The following SGTB variants were observed in gnomAD, a reference collection of about 807,000 sequenced individuals.
SGTB encodes small glutamine rich tetratricopeptide repeat co-chaperone beta.
A neutral mutation model predicts 43.9 loss-of-function variants in SGTB; 19 were observed. The observed-to-expected ratio is 0.43, with a 90% CI of 0.30 to 0.63. The LOEUF is 0.63. SGTB is among the 30% of genes least tolerant of loss of function. The probability of loss-of-function intolerance (pLI) is 0.12; values close to 1 mark genes in which losing one functional copy is unlikely to be tolerated. For missense variants in SGTB, 304 were observed against 358.9 expected, an observed-to-expected ratio of 0.85 and a Z score of 1.24; for synonymous variants, 116 against 117.3, an observed-to-expected ratio of 0.99 and a Z score of 0.07.
At chr5:65,711,085 A>G (rs1385354843) in intron 3 of SGTB, among the ~76,000 whole-genome samples, 1 of 152,050 alleles carries the variant, frequency 6.6e-6, no homozygotes, top group Admixed American at 6.6e-5. Flanking sequence ...GAATCGCTTG[A>G]ACCCAGGAGG....
chr5:65,696,519 G>A (rs1757717844), intron 5 of SGTB, among the ~76,000 whole-genome samples: 1 of 152,162 alleles, frequency 6.6e-6, no homozygotes, highest in Admixed American at 6.6e-5. Flanking sequence ...GGTTGCTTCA[G>A]TATCTTTTAT....
intron 5 of SGTB, among the ~76,000 whole-genome samples, chr5:65,702,621 A>G (rs1487334233): frequency 6.6e-6 from 1 of 152,154 alleles, no homozygotes; most frequent in Non-Finnish European, 1.5e-5. Flanking sequence ...GGGACAGGGG[A>G]GCTCTCCAGA....
At chr5:65,681,545 C>A (rs1757397234) in intron 6 of SGTB, among the ~76,000 whole-genome samples, 2 of 151,972 alleles carry the variant, frequency 1.3e-5, no homozygotes, top group South Asian at 4.2e-4. Flanking sequence ...TTTATCGGAA[C>A]CTAATTCATT....
At chr5:65,715,344 T>C (rs1356379820) in intron 2 of SGTB, among the ~76,000 whole-genome samples, 1 of 152,242 alleles carries the variant, frequency 6.6e-6, no homozygotes, top group Non-Finnish European at 1.5e-5. Context: ...TAGAGAAAGA[T>C]GAGTGAAGAA....
At chr5:65,697,915 T>C (rs982834354) in intron 5 of SGTB, among the ~76,000 whole-genome samples, 4 of 152,226 alleles carry the variant, frequency 2.6e-5, no homozygotes, top group African/African-American at 9.6e-5. Flanking sequence ...TGCCACAACA[T>C]GGTTGAATCT....
intron 5 of SGTB, among the ~76,000 whole-genome samples, chr5:65,693,242 G>GAC (rs1757647818): frequency 6.9e-6 from 1 of 145,504 alleles, no homozygotes; most frequent in Non-Finnish European, 1.5e-5. Context: ...GAGAGAAAGA[G>GAC]AGAGAGGAAG....
chr5:65,712,816 C>A, intron 3 of SGTB, 145 bp downstream of exon 3: 1 of 477,874 alleles, frequency 2.1e-6, no homozygotes, highest in Non-Finnish European at 3.6e-6. Context: ...TTTAGATACC[C>A]AATTATATCC....
intron 6 of SGTB, among the ~76,000 whole-genome samples, chr5:65,684,197 A>C (rs1218449595): frequency 6.6e-6 from 1 of 151,432 alleles, no homozygotes; most frequent in African/African-American, 2.4e-5. Flanking sequence ...CAATCTTCTC[A>C]CCTCAGCCTC....
chr5:65,688,651 T>C (rs1437961437), intron 5 of SGTB, among the ~76,000 whole-genome samples: 1 of 152,208 alleles, frequency 6.6e-6, no homozygotes, highest in African/African-American at 2.4e-5. Context: ...TAAAATACAA[T>C]CAGAAAATGA....
chr5:65,678,939 T>C (rs1241690537), intron 8 of SGTB, among the ~76,000 whole-genome samples: 1 of 152,094 alleles, frequency 6.6e-6, no homozygotes, highest in Non-Finnish European at 1.5e-5. Context: ...CAGGCAAAGA[T>C]TTCATGATGA....
At chr5:65,718,182 G>A (rs747237515) in intron 2 of SGTB, among the ~76,000 whole-genome samples, 39 of 152,088 alleles carry the variant, frequency 2.6e-4, no homozygotes, top group African/African-American at 7.0e-4. Flanking sequence ...CTCAATCTCC[G>A]CATACTGACA....
intron 2 of SGTB, among the ~76,000 whole-genome samples, chr5:65,718,377 C>T (rs1758190798): frequency 6.6e-6 from 1 of 152,146 alleles, no homozygotes; most frequent in Non-Finnish European, 1.5e-5. Context: ...AGAATATGAT[C>T]AAGTGTTTGA....
intron 1 of SGTB, among the ~76,000 whole-genome samples, chr5:65,721,552 A>C (rs1221249687): frequency 6.6e-6 from 1 of 151,862 alleles, no homozygotes; most frequent in Non-Finnish European, 1.5e-5. Context: ...TTTCCACCAA[A>C]TCGCATCATC....
chr5:65,672,275 T>C lies in SGTB; in HGVS notation c.688A>G (p.Ser230Gly). Reference sequence around the variant, plus strand: ...TGAACTTGAGGGTTCTGCATTAAACTTGCCGCCTGGAATTGAAAAACAGCA... The same window carrying C: ...TGAACTTGAGGGTTCTGCATTAAACCTGCCGCCTGGAATTGAAAAACAGCA... ...NNPAFISMAA[S>G]LMQNPQVQQL... Residue 230 changes from serine (S) to glycine (G), a missense_variant, in exon 9 of 11, where the codon AGT becomes GGT. Physicochemically the swap from Ser to Gly is moderately conservative, Grantham distance 56. Coordinates refer to ENST00000381007, the MANE Select transcript of SGTB (RefSeq NM_019072.3). 1 of 1,614,154 alleles carries C rather than the reference T, an allele frequency of 6.2e-7. No homozygotes were observed. The highest frequency in any genetic ancestry group is 1.1e-5 in the South Asian group (1 of 91,082).
chr5:65,717,962 T>C (rs1051942208), intron 2 of SGTB, among the ~76,000 whole-genome samples: 1 of 152,022 alleles, frequency 6.6e-6, no homozygotes, highest in Non-Finnish European at 1.5e-5. Context: ...TTATCAACCA[T>C]GGAATTTAAG....
chr5:65,677,525 GATACA>G (rs1158031441), intron 8 of SGTB, among the ~76,000 whole-genome samples: 1 of 152,072 alleles, frequency 6.6e-6, no homozygotes, highest in Non-Finnish European at 1.5e-5. Flanking sequence ...ACCTGGCAGA[GATACA>G]ATAACAAAAA....
chr5:65,674,500 A>G (rs762019869), intron 8 of SGTB, among the ~76,000 whole-genome samples: 42 of 152,196 alleles, frequency 2.8e-4, no homozygotes, highest in Admixed American at 5.9e-4. Flanking sequence ...TATCAGGTAG[A>G]AAGTCTCTGT....
At chr5:65,684,561 C>CT (rs997652178) in intron 6 of SGTB, among the ~76,000 whole-genome samples, 6 of 150,830 alleles carry the variant, frequency 4.0e-5, no homozygotes, top group East Asian at 2.0e-4. Flanking sequence ...AAGAATGCTT[C>CT]TTTTTTTTTG....
chr5:65,671,765 A>G (rs1757160549), intron 10 of SGTB, 150 bp downstream of exon 10: 1 of 688,468 alleles, frequency 1.5e-6, no homozygotes, highest in Non-Finnish European at 2.4e-6. Flanking sequence ...TAATTCATGA[A>G]CTTCTTTCAG....
Sources: allele counts gnomAD v4.1 joint callset (sites outside exome capture counted in the v4.1 genomes callset), GRCh38; gene constraint gnomAD v4.1.1; transcripts MANE v1.5; gene names NCBI Gene and HGNC (gene_info 2026-07-23, HGNC 2026-07-21).